The following ASIC2 variants were observed in gnomAD, a reference collection of about 807,000 sequenced individuals.
ASIC2 encodes acid sensing ion channel subunit 2, also known as acid-sensing ion channel 2.
A neutral mutation model predicts 57.3 loss-of-function variants in ASIC2; 25 were observed. That is an observed-to-expected ratio of 0.44 (90% CI 0.32 to 0.61). The LOEUF (loss-of-function observed/expected upper bound fraction) is 0.61. ASIC2 is among the 20% of genes least tolerant of loss of function. The pLI, the probability that ASIC2 is intolerant of heterozygous loss-of-function variation, is 0.06. For synonymous variants in ASIC2, 319 were observed against 307.5 expected, an observed-to-expected ratio of 1.04 and a Z score of -0.39; for missense variants, 641 against 738.1, an observed-to-expected ratio of 0.87 and a Z score of 1.52.
chr17:33,314,928 G>A (rs1906581904), intron 1 of ASIC2, among the ~76,000 whole-genome samples: 1 of 152,158 alleles, frequency 6.6e-6, no homozygotes, highest in Non-Finnish European at 1.5e-5. Flanking sequence ...GAGGCTGCAT[G>A]AGACACACAG....
At chr17:33,750,999 T>C (rs962628391) in intron 1 of ASIC2, among the ~76,000 whole-genome samples, 8 of 152,092 alleles carry the variant, frequency 5.3e-5, no homozygotes, top group African/African-American at 1.9e-4. Context: ...TGCTGGGAGA[T>C]GAAAGGGGGC....
intron 3 of ASIC2, among the ~76,000 whole-genome samples, chr17:33,050,816 G>A (rs2091972210): frequency 6.6e-6 from 1 of 152,114 alleles, no homozygotes; most frequent in Admixed American, 6.5e-5. Flanking sequence ...GAAACACCAT[G>A]AGAAAGTGTG....
At chr17:33,808,293 C>A (rs1471531640) in intron 1 of ASIC2, among the ~76,000 whole-genome samples, 1 of 152,180 alleles carries the variant, frequency 6.6e-6, no homozygotes, top group African/African-American at 2.4e-5. Context: ...GTCTTTTCTC[C>A]ATTATATTAC....
chr17:33,481,828 C>T (rs868651943), intron 1 of ASIC2, among the ~76,000 whole-genome samples: 5 of 152,196 alleles, frequency 3.3e-5, no homozygotes, highest in Admixed American at 2.0e-4. Flanking sequence ...GCCTTGTCGC[C>T]GCTCCATTAC....
chr17:33,626,683 A>G (rs1397028046), intron 1 of ASIC2, among the ~76,000 whole-genome samples: 1 of 152,114 alleles, frequency 6.6e-6, no homozygotes, highest in Non-Finnish European at 1.5e-5. Context: ...CCTCTTCTTT[A>G]GCACTCCTGA....
At chr17:33,141,585 C>A (rs1290628860) in intron 1 of ASIC2, among the ~76,000 whole-genome samples, 1 of 152,144 alleles carries the variant, frequency 6.6e-6, no homozygotes, top group East Asian at 1.9e-4. Flanking sequence ...GACCCAAACA[C>A]TTTGGTGTTG....
chr17:33,189,190 T>A (rs1190482905), intron 1 of ASIC2, among the ~76,000 whole-genome samples: 3 of 152,118 alleles, frequency 2.0e-5, no homozygotes, highest in Non-Finnish European at 2.9e-5. Flanking sequence ...CCAAGGATGT[T>A]GCTAAACACT....
intron 1 of ASIC2, among the ~76,000 whole-genome samples, chr17:33,358,726 G>A (rs1212131505): frequency 1.3e-5 from 2 of 152,162 alleles, no homozygotes; most frequent in East Asian, 3.9e-4. Context: ...TTCATGCTAG[G>A]AGACAACTGC....
chr17:34,038,589 G>A, intron 1 of ASIC2: 1 of 1,605,870 alleles, frequency 6.2e-7, no homozygotes, highest in Non-Finnish European at 8.5e-7. Flanking sequence ...TATTTAAATT[G>A]TGAATTATCT....
intron 1 of ASIC2, among the ~76,000 whole-genome samples, chr17:34,107,004 C>T (rs1911086077): frequency 1.3e-5 from 2 of 152,110 alleles, no homozygotes; most frequent in Non-Finnish European, 2.9e-5. Context: ...CATAAATATA[C>T]ATATGCGCAA....
intron 1 of ASIC2, among the ~76,000 whole-genome samples, chr17:33,568,017 T>A (rs1247895293): frequency 6.6e-6 from 1 of 152,218 alleles, no homozygotes; most frequent in East Asian, 1.9e-4. Flanking sequence ...CCTTACTTGG[T>A]CACCACCAAG....
chr17:33,163,003 A>C (rs1221529514), intron 1 of ASIC2, among the ~76,000 whole-genome samples: 1 of 152,204 alleles, frequency 6.6e-6, no homozygotes, highest in African/African-American at 2.4e-5. Context: ...CTGAGAGTCT[A>C]CTGGCCTGTT....
chr17:33,482,306 A>G (rs1272794147), intron 1 of ASIC2, among the ~76,000 whole-genome samples: 1 of 152,202 alleles, frequency 6.6e-6, no homozygotes, highest in Admixed American at 6.5e-5. Context: ...CTCTAGTCAA[A>G]CATGGGCAAA....
chr17:33,196,990 A>T (rs114568946), intron 1 of ASIC2, among the ~76,000 whole-genome samples: 1 of 152,140 alleles, frequency 6.6e-6, no homozygotes, highest in African/African-American at 2.4e-5. Context: ...GGACAGGGAG[A>T]GGAAAGGTGG....
At chr17:34,076,948 T>G (rs941925555) in intron 1 of ASIC2, among the ~76,000 whole-genome samples, 5 of 152,222 alleles carry the variant, frequency 3.3e-5, no homozygotes, top group African/African-American at 1.2e-4. Context: ...GATCAGCACC[T>G]GCCATGGGCC....
chr17:33,826,806 G>T (rs1417565717), intron 1 of ASIC2, among the ~76,000 whole-genome samples: 1 of 152,200 alleles, frequency 6.6e-6, no homozygotes, highest in East Asian at 1.9e-4. Flanking sequence ...GGTAGAGTCA[G>T]ACATAGTGTC....
At chr17:33,647,634 C>T (rs1472320545) in intron 1 of ASIC2, among the ~76,000 whole-genome samples, 2 of 152,202 alleles carry the variant, frequency 1.3e-5, no homozygotes, top group Admixed American at 6.5e-5. Flanking sequence ...GTGTGTGTGC[C>T]TGTGCACATG....
At chr17:33,332,390 C>CA (rs1907347469) in intron 1 of ASIC2, among the ~76,000 whole-genome samples, 1 of 151,954 alleles carries the variant, frequency 6.6e-6, no homozygotes, top group Non-Finnish European at 1.5e-5. Context: ...GTGTAATAAA[C>CA]AAAAAAAGAA....
intron 1 of ASIC2, among the ~76,000 whole-genome samples, chr17:33,909,868 C>G (rs182763030): frequency 1.3e-5 from 2 of 152,140 alleles, no homozygotes; most frequent in Non-Finnish European, 2.9e-5. Flanking sequence ...CTCTCATCCC[C>G]TGAAGAGAAA....
Sources: allele counts gnomAD v4.1 joint callset (sites outside exome capture counted in the v4.1 genomes callset), GRCh38; gene constraint gnomAD v4.1.1; transcripts MANE v1.5; gene names NCBI Gene and HGNC (gene_info 2026-07-23, HGNC 2026-07-21).